Variants in LPO observed in about 807,000 individuals in gnomAD.
The protein encoded by LPO is salivary peroxidase.
In LPO, 70 loss-of-function variants were observed where a neutral mutation model predicts 68.4. The observed-to-expected ratio is 1.02, with a 90% CI of 0.84 to 1.25. LPO has a LOEUF of 1.25. Among genes scored for constraint, LPO ranks in the 50% most tolerant of loss-of-function variants. The pLI, the probability that LPO is intolerant of heterozygous loss-of-function variation, is 0.00. For synonymous variants in LPO, 360 were observed against 357.6 expected (o/e 1.01, Z -0.08); for missense variants, 873 against 908.4 (o/e 0.96, Z 0.50).
chr17:58,244,054 A>G lies in LPO; in HGVS notation c.137A>G (p.Asn46Ser), dbSNP rs1969807786. The G allele has an allele frequency of 6.2e-7, 1 of 1,613,172 alleles. No homozygotes were observed. Among genetic ancestry groups the G allele is most frequent in the Non-Finnish European group, 8.5e-7 (1 of 1,179,854 alleles). Residue 46 changes from asparagine to serine, a missense_variant, in exon 3 of 13, where the codon AAC (asparagine) becomes AGC (serine). Asn to Ser is a conservative substitution (Grantham distance 46, BLOSUM62 1). Coordinates refer to ENST00000262290, the MANE Select transcript of LPO (RefSeq NM_006151.3). Reference sequence around the variant, plus strand: ...GTGAGTCAGGCCAAGGTCCAAGTCAACAAGGCCTTCCTGGACTCCCGAACC... The same window carrying G: ...GTGAGTCAGGCCAAGGTCCAAGTCAGCAAGGCCTTCCTGGACTCCCGAACC... ...DTVSQAKVQV[N>S]KAFLDSRTRL...
At chr17:58,258,692 C>T (rs8178365) in intron 9 of LPO, among the ~76,000 whole-genome samples, 18 of 152,334 alleles carry the variant, frequency 1.2e-4, no homozygotes, top group Admixed American at 3.3e-4. Context: ...CATTTACATT[C>T]CTATCAGCAA....
At chr17:58,255,075 A>C (rs1029290860) in intron 9 of LPO, 104 bp downstream of exon 9, 1 of 1,206,610 alleles carries the variant, frequency 8.3e-7, no homozygotes, top group Non-Finnish European at 1.2e-6. Flanking sequence ...CTGTTCCCAC[A>C]CCTCCGTTTC....
chr17:58,243,915 A>T, intron 2 of LPO, 79 bp from the exon 3 acceptor site: 1 of 944,874 alleles, frequency 1.1e-6, no homozygotes, highest in Non-Finnish European at 1.7e-6. Context: ...TGGCCGAGAA[A>T]GAGGGAGACA....
rs369376380 is a variant in LPO at position 58,249,713 on chromosome 17, C to G, written c.573+18C>G. Reference sequence around the variant, plus strand: ...TCCCGCTGGTGAGGGCAGGCCGGGCCGGGGTGAAGGATGGGAGCCAGAGGG... The same window carrying G: ...TCCCGCTGGTGAGGGCAGGCCGGGCGGGGGTGAAGGATGGGAGCCAGAGGG... On this transcript the variant is annotated intron_variant, in intron 6 of 12. Transcript: ENST00000262290. 10 of 1,547,122 alleles carry G rather than the reference C, an allele frequency of 6.5e-6. No individual in the cohort carries two copies. In the African/African-American group the frequency reaches 1.4e-4, roughly 21 times the overall value.
At position 58,267,472 on chromosome 17, in the gene LPO, A is replaced by G. The variant is rs761130445; in HGVS notation, c.1817A>G (p.Asn606Ser). The change falls in exon 12 of 13, where the codon AAC becomes AGC. Residue 606 changes from asparagine to serine, a missense_variant. Physicochemically the swap from Asn to Ser is conservative, Grantham distance 46 (BLOSUM62 1). Coordinates refer to ENST00000262290, the MANE Select transcript of LPO (RefSeq NM_006151.3). Reference protein sequence around the residue: ...KLLGLYGTPDNIDIWIGAIAE... With the variant: ...KLLGLYGTPDSIDIWIGAIAE... ...CTGGGTCTCTACGGGACCCCTGACA[A>G]CATCGACATCTGGATAGGGGCCATT... 1.5e-5 allele frequency: 25 copies of G among 1,614,240 alleles called. No individual in the cohort carries two copies. In the East Asian group the frequency reaches 5.6e-4, roughly 36 times the overall value.
At chr17:58,266,081 C>A (rs1598034591) in intron 10 of LPO, 72 bp from the exon 11 acceptor site, 5 of 1,450,134 alleles carry the variant, frequency 3.4e-6, no homozygotes, top group Non-Finnish European at 4.7e-6. Flanking sequence ...CTGGTGGAGG[C>A]AGAGGCAAGC....
intron 4 of LPO, among the ~76,000 whole-genome samples, chr17:58,248,104 GTAAGTGAAC>G (rs1969884969): frequency 2.6e-5 from 4 of 152,150 alleles, no homozygotes; most frequent in Admixed American, 2.6e-4. Context: ...GGAGCTATCA[GTAAGTGAAC>G]TTAACTGATG....
rs1009919495 is a variant in LPO at position 58,238,746 on chromosome 17, C to T, written c.-3+7C>T. On this transcript the variant is annotated splice_region_variant and intron_variant, in intron 1 of 12. Transcript: ENST00000262290. The stretch of plus-strand genomic sequence containing the variant: ...AAGACAAGGCACTGGGCAGGTAAGA[C>T]TCGTCAACTTTCATCTTTCCTGGTT... 33 of 152,164 alleles carry T rather than the reference C, an allele frequency of 2.2e-4. No homozygotes were observed. The highest frequency in any genetic ancestry group is 7.2e-4 in the African/African-American group (30 of 41,432). The allele number at this position is 152,164 out of a possible 1,614,324, so 9.4% of individuals were successfully genotyped here.
intron 11 of LPO, 55 bp from the exon 12 acceptor site, chr17:58,267,294 G>A: frequency 1.4e-6 from 2 of 1,408,712 alleles, no homozygotes; most frequent in South Asian, 1.2e-5. Context: ...GGCCCCAAAG[G>A]AGGCTGTGAA....
At chr17:58,242,321 G>C (rs911130393) in intron 1 of LPO, among the ~76,000 whole-genome samples, 1 of 152,230 alleles carries the variant, frequency 6.6e-6, no homozygotes. Flanking sequence ...ACAGCTGTGG[G>C]CTCAGGGGAG....
At chr17:58,242,326 G>A (rs1279538422) in intron 1 of LPO, among the ~76,000 whole-genome samples, 1 of 152,240 alleles carries the variant, frequency 6.6e-6, no homozygotes, top group Non-Finnish European at 1.5e-5. Context: ...TGTGGGCTCA[G>A]GGGAGCTCTG....
chr17:58,252,309 TC>T lies in LPO; in HGVS notation c.910del (p.Leu304TrpfsTer94). On this transcript the variant is annotated frameshift_variant, in exon 8 of 13. Transcript: ENST00000262290. LOFTEE classifies it high-confidence loss of function. ...AREQINALTS[F>X]LDASFVYSSE... ...GAGCAGATCAACGCTCTGACCTCCTTCCTGGATGCCAGCTTTGTGTACAGCT... is the reference window on the plus strand; with the variant it reads ...GAGCAGATCAACGCTCTGACCTCCTTCTGGATGCCAGCTTTGTGTACAGCT... The T allele has an allele frequency of 6.2e-7, 1 of 1,614,202 alleles. No homozygotes were observed. Among genetic ancestry groups the T allele is most frequent in the Non-Finnish European group, 8.5e-7 (1 of 1,180,032 alleles).
In LPO at chr17:58,248,166, A is replaced by G. The variant is rs984388488; in HGVS notation, c.325+528A>G. ...TCCATCCCCTCCACTCTCACCCCCA[A>G]CCAAATGCCACAGCCCACAGAGGGT... On this transcript the variant is annotated intron_variant, in intron 4 of 12. Transcript: ENST00000262290. Among the ~76,000 whole-genome samples the G allele has an allele frequency of 2.0e-5, 3 of 152,090 alleles. No individual in the cohort carries two copies. In the East Asian group the frequency reaches 5.8e-4, roughly 29 times the overall value.
In LPO at chr17:58,267,736, G is replaced by A. The variant is rs760712005; in HGVS notation, c.1932-51G>A. On this transcript the variant is annotated intron_variant, in intron 12 of 12. Coordinates refer to ENST00000262290, the MANE Select transcript of LPO (RefSeq NM_006151.3). ...CCTTTCCTTCCCCTGTGACAGAGTG[G>A]GGAGGGGCCAGCGGCCAGACTGTGG... is the stretch of plus-strand genomic sequence containing the variant. The A allele has an allele frequency of 4.5e-6, 7 of 1,555,798 alleles. No individual in the cohort carries two copies. In the East Asian group the frequency reaches 1.6e-4, roughly 35 times the overall value.
intron 8 of LPO, among the ~76,000 whole-genome samples, chr17:58,253,022 C>CAAAAAAAA (rs765890765): frequency 4.7e-3 from 144 of 30,572 alleles, no homozygotes; most frequent in East Asian, 5.4e-3. Flanking sequence ...GACTCCATCT[C>CAAAAAAAA]AAAAAAAAAA....
chr17:58,244,034 TCAG>T lies in LPO; in HGVS notation c.118_120del (p.Gln40del). The T allele has an allele frequency of 6.2e-7, 1 of 1,612,326 alleles. No homozygotes were observed. Among genetic ancestry groups the T allele is most frequent in the Admixed American group, 1.7e-5 (1 of 59,818 alleles). On this transcript the variant is annotated inframe_deletion, in exon 3 of 13. Transcript: ENST00000262290. ...CCTCTGCCATCTCCGATACTGTGAG[TCAG>T]GCCAAGGTCCAAGTCAACAAGGCCT...
In LPO at chr17:58,267,524, G is replaced by C. The variant is rs1970293321; in HGVS notation, c.1869G>C (p.Arg623=). ...AIAEPLVERG[R]VGPLLACLLG... The stretch of plus-strand genomic sequence containing the variant: ...CTGAGCCGCTGGTGGAAAGGGGTCG[G>C]GTGGGGCCTCTCCTGGCCTGCCTCT... Residue 623 remains arginine, a synonymous_variant, in exon 12 of 13, where the codon CGG becomes CGC. Coordinates refer to ENST00000262290, the MANE Select transcript of LPO (RefSeq NM_006151.3). 2 of 1,614,180 alleles carry C rather than the reference G, an allele frequency of 1.2e-6. No homozygotes were observed. Among genetic ancestry groups the C allele is most frequent in the South Asian group, 1.1e-5 (1 of 91,078 alleles).
At chr17:58,244,132 CTTCCCTT>C in intron 3 of LPO, 51 bp downstream of exon 3, 5 of 1,301,876 alleles carry the variant, frequency 3.8e-6, no homozygotes, top group Non-Finnish European at 5.4e-6. Flanking sequence ...CACACACACA[CTTCCCTT>C]CACAGGCTTC....
intron 1 of LPO, chr17:58,242,751 C>G (rs1969780107): frequency 1.0e-5 from 5 of 483,578 alleles, no homozygotes; most frequent in Non-Finnish European, 1.8e-5. Context: ...GATCCTGAAG[C>G]CTGAGTTCTT....
Sources: allele counts gnomAD v4.1 joint callset (sites outside exome capture counted in the v4.1 genomes callset), GRCh38; gene constraint gnomAD v4.1.1; transcripts MANE v1.5; gene names NCBI Gene and HGNC (gene_info 2026-07-23, HGNC 2026-07-21).